The following CARNS1 variants were observed in gnomAD, a reference collection of about 807,000 sequenced individuals.
CARNS1 encodes carnosine synthase 1.
A neutral mutation model predicts 74.0 loss-of-function variants in CARNS1; 61 were observed. The observed-to-expected ratio is 0.82, with a 90% CI of 0.67 to 1.02. The LOEUF (loss-of-function observed/expected upper bound fraction) is 1.02, where lower values mean the gene tolerates loss of function less well. Among genes scored for constraint, CARNS1 ranks in the 50% least tolerant of loss-of-function variants. The pLI is 0.00. For missense variants in CARNS1, 1,278 were observed against 1,308.4 expected (o/e 0.98, Z 0.36); for synonymous variants, 568 against 605.5 (o/e 0.94, Z 0.91).
rs1863640271 is a variant in CARNS1 at position 67,419,616 on chromosome 11, G to A, written c.982G>A (p.Val328Ile). The change falls in exon 6 of 10, where the codon GTC becomes ATC. Residue 328 changes from valine (V) to isoleucine (I), a missense_variant. By Grantham distance (29) the Val-to-Ile change is conservative (BLOSUM62 3). Coordinates refer to ENST00000687366, the MANE Select transcript of CARNS1 (RefSeq NM_001166222.2). The stretch of plus-strand genomic sequence containing the variant: ...GGAGAAGCTGGAGGAGGAGGAGAGT[G>A]TCCTGGTGGAGGCTGTGTACCCACC... The part of the protein sequence containing the change: ...LLEKLEEEES[V>I]LVEAVYPPAQ... 4.4e-6 allele frequency: 7 copies of A among 1,602,762 alleles called. No homozygotes were observed. The highest frequency in any genetic ancestry group is 1.3e-5 in the African/African-American group (1 of 74,746).
At position 67,419,482 on chromosome 11, in the gene CARNS1, T is replaced by C; in HGVS notation, c.853-5T>C. 1 of 1,611,960 alleles carries C rather than the reference T, an allele frequency of 6.2e-7. No homozygotes were observed. The highest frequency in any genetic ancestry group is 1.1e-5 in the South Asian group (1 of 90,794). On this transcript the variant is annotated splice_polypyrimidine_tract_variant and splice_region_variant and intron_variant, in intron 5 of 9. Coordinates refer to ENST00000687366, the MANE Select transcript of CARNS1 (RefSeq NM_001166222.2). ...CAGGAGGCCCCTTTCCCCTCCTTGC[T>C]GCAGGTAGCTGTGAAGCTCAGTGGC... is the stretch of plus-strand genomic sequence containing the variant.
At chr11:67,415,995 C>G in intron 1 of CARNS1, 181 bp from the exon 2 acceptor site, 4 of 605,402 alleles carry the variant, frequency 6.6e-6, no homozygotes, top group East Asian at 2.9e-5. Flanking sequence ...AGGAGCCACT[C>G]GGTCTGGGCA....
chr11:67,421,176 G>C lies in CARNS1; in HGVS notation c.1583G>C (p.Ser528Thr), dbSNP rs1352970786. ...CTGGTGGTCGGCGCTGGCGGCGTCA[G>C]CAAGAAGTTCGTGTGGGAGGCGGCG... ...QLLVVGAGGV[S>T]KKFVWEAARD... Residue 528 changes from serine to threonine, a missense_variant, in exon 9 of 10, where the codon AGC becomes ACC. Around this residue, in one of 3 missense-constraint regions of CARNS1, gnomAD observed 1,164 missense variants for 1,156.5 expected, o/e 1.01. Transcript: ENST00000687366. 2.0e-6 allele frequency: 3 copies of C among 1,496,824 alleles called. No homozygotes were observed. The highest frequency in any genetic ancestry group is 2.7e-6 in the Non-Finnish European group (3 of 1,129,136). 92.7% of individuals were successfully genotyped at this position (1,496,824 alleles called of 1,614,324 possible).
chr11:67,417,739 C>A, intron 3 of CARNS1, 62 bp downstream of exon 3: 2 of 1,154,466 alleles, frequency 1.7e-6, no homozygotes, highest in Non-Finnish European at 1.1e-6. Context: ...TCAGCCCAGT[C>A]TGCTTGCTCA....
rs1292234607 is a variant in CARNS1 at position 67,425,340 on chromosome 11, A to G, written c.*739A>G. On this transcript the variant is annotated 3_prime_UTR_variant, in exon 10 of 10. Transcript: ENST00000687366. ...TTGATCAAGTCTTACATGCCCATTC[A>G]GCTTCTAGGCCCCCCTCACCTCCCT... The G allele has an allele frequency of 3.1e-6, 1 of 318,372 alleles. No homozygotes were observed. Among genetic ancestry groups the G allele is most frequent in the Non-Finnish European group, 6.3e-6 (1 of 159,738 alleles). 19.7% of individuals were successfully genotyped at this position (318,372 alleles called of 1,614,324 possible).
chr11:67,422,742 G>A (rs1317208596), intron 9 of CARNS1, among the ~76,000 whole-genome samples: 1 of 152,160 alleles, frequency 6.6e-6, no homozygotes, highest in Non-Finnish European at 1.5e-5. Context: ...ACCCCCTGTG[G>A]ACACCACCTC....
At position 67,420,852 on chromosome 11, in the gene CARNS1, C is replaced by CGGCCGG. The variant is rs772860072; in HGVS notation, c.1345+26_1345+31dup. 6.9e-4 allele frequency: 875 copies of CGGCCGG among 1,261,106 alleles called. 1 individual carries two copies. The highest frequency in any genetic ancestry group is 9.4e-4 in the African/African-American group (60 of 63,668). 78.1% of individuals were successfully genotyped at this position (1,261,106 alleles called of 1,614,324 possible). A position where few individuals can be genotyped will look rare whatever the true frequency, so the allele number is the denominator to read the frequency against. ...CACGGACTTCCTGGGTGAGTGAGGG[C>CGGCCGG]GGCCGGGGCCGGGGCCGGGAGCCGA... On this transcript the variant is annotated intron_variant, in intron 8 of 9. Transcript: ENST00000687366.
At chr11:67,420,582 C>T (rs1038090520) in intron 7 of CARNS1, 27 bp from the exon 8 acceptor site, 12 of 1,207,732 alleles carry the variant, frequency 9.9e-6, no homozygotes, top group Non-Finnish European at 1.2e-5. Context: ...AGTGTGTGGG[C>T]CTCCCCCTGA....
At position 67,419,802 on chromosome 11, in the gene CARNS1, G is replaced by A. The variant is rs1454764415; in HGVS notation, c.1077G>A (p.Val359=). The A allele has an allele frequency of 1.2e-6, 2 of 1,600,418 alleles. No homozygotes were observed. Among genetic ancestry groups the A allele is most frequent in the Non-Finnish European group, 1.7e-6 (2 of 1,173,968 alleles). The change falls in exon 7 of 10, where the codon GTG becomes GTA. Residue 359 remains valine, a synonymous_variant. Transcript: ENST00000687366. ...PGLAVRICAV[V]CRTQGDRPLL... Reference sequence around the variant, plus strand: ...TGGCCGTGCGAATCTGTGCTGTGGTGTGTCGGACACAGGGTGATAGGCCAC... The same window carrying A: ...TGGCCGTGCGAATCTGTGCTGTGGTATGTCGGACACAGGGTGATAGGCCAC...
Position 67,419,643 on chromosome 11 carries a change from G to T in CARNS1, c.1009G>T (p.Ala337Ser). Residue 337 changes from alanine (A) to serine (S), a missense_variant, in exon 6 of 10, where the codon GCC (alanine) becomes TCC (serine). By Grantham distance (99) the Ala-to-Ser change is moderately conservative. Around this residue, in one of 3 missense-constraint regions of CARNS1, gnomAD observed 1,164 missense variants for 1,156.5 expected, o/e 1.01. Coordinates refer to ENST00000687366, the MANE Select transcript of CARNS1 (RefSeq NM_001166222.2). ...CCTGGTGGAGGCTGTGTACCCACCT[G>T]CCCAGCTGCCCTGCTCAGGTGAGAG... ...SVLVEAVYPP[A>S]QLPCSDGPSP... 2.5e-6 allele frequency: 4 copies of T among 1,596,930 alleles called. No individual in the cohort carries two copies. Among genetic ancestry groups the T allele is most frequent in the Non-Finnish European group, 2.6e-6 (3 of 1,172,858 alleles).
Position 67,418,521 on chromosome 11 carries a change from G to A in CARNS1, c.364+1G>A, listed in dbSNP as rs767415356. The A allele has an allele frequency of 3.9e-5, 60 of 1,527,764 alleles. No homozygotes were observed. The highest frequency in any genetic ancestry group is 5.2e-5 in the Non-Finnish European group (59 of 1,141,580). 94.6% of individuals were successfully genotyped at this position (1,527,764 alleles called of 1,614,324 possible). ...CTGGAGGGTGGGGTCCAGAGCCCGG[G>A]TGAGTGTATGCTCAAGTTTCCCCAT... is the stretch of plus-strand genomic sequence containing the variant. On this transcript the variant is annotated splice_donor_variant, in intron 4 of 9. Coordinates refer to ENST00000687366, the MANE Select transcript of CARNS1 (RefSeq NM_001166222.2). LOFTEE classifies it high-confidence loss of function.
chr11:67,419,431 C>T lies in CARNS1; in HGVS notation c.853-56C>T, dbSNP rs753417555. 2.8e-5 allele frequency: 44 copies of T among 1,582,906 alleles called. No individual in the cohort carries two copies. In the African/African-American group the frequency reaches 4.6e-4, roughly 16 times the overall value. On this transcript the variant is annotated intron_variant, in intron 5 of 9. Transcript: ENST00000687366. ...ACCGGCTCCTGTGGCGGAAGTGCCC[C>T]ACCCTGCAGTACCTGGGGTGGTGTC... is the stretch of plus-strand genomic sequence containing the variant.
Position 67,420,860 on chromosome 11 carries a change from G to C in CARNS1, c.1345+20G>C, listed in dbSNP as rs1341166962. ...TCCTGGGTGAGTGAGGGCGGCCGGG[G>C]CCGGGGCCGGGAGCCGAGGGCCAGG... On this transcript the variant is annotated intron_variant, in intron 8 of 9. Coordinates refer to ENST00000687366, the MANE Select transcript of CARNS1 (RefSeq NM_001166222.2). The C allele has an allele frequency of 7.9e-6, 10 of 1,268,142 alleles. No homozygotes were observed. The highest frequency in any genetic ancestry group is 9.9e-6 in the Non-Finnish European group (10 of 1,009,820). 78.6% of individuals were successfully genotyped at this position (1,268,142 alleles called of 1,614,324 possible). A position where few individuals can be genotyped will look rare whatever the true frequency, so the allele number is the denominator to read the frequency against.
chr11:67,423,383 C>T lies in CARNS1; in HGVS notation c.1635C>T (p.Leu545=), dbSNP rs770711185. 1.6e-5 allele frequency: 25 copies of T among 1,601,306 alleles called. No homozygotes were observed. The highest frequency in any genetic ancestry group is 1.7e-4 in the Middle Eastern group (1 of 6,040). Residue 545 remains leucine, a synonymous_variant, in exon 10 of 10, where the codon CTC becomes CTT. Coordinates refer to ENST00000687366, the MANE Select transcript of CARNS1 (RefSeq NM_001166222.2). This position sits in a 1 kb window ranked among gnomAD's most constrained non-coding sequence, Gnocchi z 5.1. ...AARDYGLQLH[L]VESDPNHFAS... is the part of the protein sequence containing the mutation. ...CCCTGTGGCTTCTGCAGCTGCACCT[C>T]GTGGAGTCAGACCCCAACCACTTTG...
At position 67,420,944 on chromosome 11, in the gene CARNS1, G is replaced by A; in HGVS notation, c.1351G>A (p.Asp451Asn). The change falls in exon 9 of 10, where the codon GAT becomes AAT. Residue 451 changes from aspartate (D) to asparagine (N), a missense_variant. This residue lies in a region of CARNS1 where 1,164 missense variants were observed against 1,156.5 expected (regional missense o/e 1.01). Coordinates refer to ENST00000687366, the MANE Select transcript of CARNS1 (RefSeq NM_001166222.2). ...RRAHTDFLGV[D>N]FALTAAGGVL... Reference sequence around the variant, plus strand: ...GCGCCTCCCGCCCGGCGCAGGCGTGGATTTCGCGCTGACAGCGGCCGGCGG... The same window carrying A: ...GCGCCTCCCGCCCGGCGCAGGCGTGAATTTCGCGCTGACAGCGGCCGGCGG... The A allele has an allele frequency of 7.1e-7, 1 of 1,418,234 alleles. No individual in the cohort carries two copies. The allele number at this position is 1,418,234 out of a possible 1,614,324, so 87.9% of individuals were successfully genotyped here.
chr11:67,416,557 C>T (rs1175363827), intron 2 of CARNS1: 44 of 1,111,766 alleles, frequency 4.0e-5, no homozygotes, highest in Non-Finnish European at 4.8e-5. Context: ...TCTCTTCGTC[C>T]CAGCCTCATC....
At chr11:67,417,226 A>G in intron 2 of CARNS1, 181 bp from the exon 3 acceptor site, 1 of 1,233,592 alleles carries the variant, frequency 8.1e-7, no homozygotes, top group Non-Finnish European at 1.0e-6. Flanking sequence ...AAGCACTCCC[A>G]CGGTTGCGTT....
At chr11:67,416,112 G>T in intron 1 of CARNS1, 64 bp from the exon 2 acceptor site, 1 of 998,612 alleles carries the variant, frequency 1.0e-6, no homozygotes, top group Non-Finnish European at 1.5e-6. Context: ...GGGGCTGGAA[G>T]GCCAGGCAGG....
Position 67,416,354 on chromosome 11 carries a change from C to T in CARNS1, c.3+152C>T, listed in dbSNP as rs374573901. 58 of 1,461,276 alleles carry T rather than the reference C, an allele frequency of 4.0e-5. 2 individuals are homozygous for T. Among genetic ancestry groups the T allele is most frequent in the East Asian group, 2.6e-4 (10 of 38,874 alleles). The allele number at this position is 1,461,276 out of a possible 1,614,324, so 90.5% of individuals were successfully genotyped here. Reference sequence around the variant, plus strand: ...GACCAGCTCCCCCACCCCCACCCTGCGGCTGCATCCTGGGAGGTGGGCACT... The same window carrying T: ...GACCAGCTCCCCCACCCCCACCCTGTGGCTGCATCCTGGGAGGTGGGCACT... On this transcript the variant is annotated intron_variant, in intron 2 of 9. Transcript: ENST00000687366.
Sources: allele counts gnomAD v4.1 joint callset (sites outside exome capture counted in the v4.1 genomes callset), GRCh38; gene constraint gnomAD v4.1.1; regional missense constraint gnomAD v4.1.1; non-coding constraint Gnocchi (gnomAD v3.1); transcripts MANE v1.5; gene names NCBI Gene and HGNC (gene_info 2026-07-23, HGNC 2026-07-21).